Variants in TXLNB observed in about 807,000 individuals in gnomAD.
TXLNB encodes the protein beta-taxilin.
Under a neutral mutation model 57.4 loss-of-function variants are expected in TXLNB, and 37 were observed. The ratio of observed to expected loss-of-function variants is 0.64; its 90% CI spans 0.50 to 0.85. TXLNB has a LOEUF of 0.85. Among genes scored for constraint, TXLNB ranks in the 40% least tolerant of loss-of-function variants. TXLNB has a pLI of 0.00. For synonymous variants in TXLNB, 302 were observed against 309.6 expected, an observed-to-expected ratio of 0.98 and a Z score of 0.26; for missense variants, 848 against 825.6, an observed-to-expected ratio of 1.03 and a Z score of -0.33.
chr6:139,196,462 C>A, the TXLNB span, among the ~76,000 whole-genome samples: 1 of 145,902 alleles, frequency 6.9e-6, no homozygotes, highest in East Asian at 2.1e-4. Context: ...GCAACCTCTG[C>A]GTCCCAGGTT....
At chr6:139,166,490 C>G in the TXLNB span, 1 of 1,614,158 alleles carries the variant, frequency 6.2e-7, no homozygotes. Flanking sequence ...GAAGCAATGC[C>G]GCCAGAACAT....
chr6:139,292,769 A>C (rs748056745), upstream of TXLNB, among the ~76,000 whole-genome samples: 1 of 152,194 alleles, frequency 6.6e-6, no homozygotes, highest in Non-Finnish European at 1.5e-5. The surrounding 1 kb of genome is among the most constrained non-coding windows in gnomAD (Gnocchi z 4.0). Context: ...GATCCTCCTC[A>C]GAAAAAGAAA....
At chr6:139,199,284 C>A in the TXLNB span, among the ~76,000 whole-genome samples, 1 of 152,134 alleles carries the variant, frequency 6.6e-6, no homozygotes, top group Non-Finnish European at 1.5e-5. Flanking sequence ...TAAGTTCTTT[C>A]TCCTAAGCTT....
chr6:139,197,515 A>G, the TXLNB span, among the ~76,000 whole-genome samples: 1 of 152,226 alleles, frequency 6.6e-6, no homozygotes, highest in Non-Finnish European at 1.5e-5. Context: ...TACAGAAATC[A>G]ATCAATCATT....
the TXLNB span, among the ~76,000 whole-genome samples, chr6:139,195,980 A>C: frequency 6.6e-6 from 1 of 152,112 alleles, no homozygotes; most frequent in African/African-American, 2.4e-5. Context: ...ATACTCTTCT[A>C]GGAAATTGCT....
upstream of TXLNB, among the ~76,000 whole-genome samples, chr6:139,294,621 G>A (rs755158693): frequency 2.0e-5 from 3 of 152,114 alleles, no homozygotes; most frequent in Admixed American, 6.5e-5. Context: ...GGCTTTGTAC[G>A]AGGAAGTCAC....
At chr6:139,258,174 C>G (rs1242990996) in intron 6 of TXLNB, among the ~76,000 whole-genome samples, 2 of 152,166 alleles carry the variant, frequency 1.3e-5, no homozygotes, top group African/African-American at 2.4e-5. Flanking sequence ...AGGTAGGTGG[C>G]TAGCTTCGAA....
chr6:139,247,502 C>T (rs1365928660), intron 8 of TXLNB, among the ~76,000 whole-genome samples: 3 of 145,484 alleles, frequency 2.1e-5, no homozygotes, highest in Admixed American at 6.9e-5. Flanking sequence ...AGTATATACA[C>T]CATCATGTTA....
At chr6:139,202,783 G>C in the TXLNB span, among the ~76,000 whole-genome samples, 1 of 152,242 alleles carries the variant, frequency 6.6e-6, no homozygotes, top group South Asian at 2.1e-4. Context: ...CCTTATAGCA[G>C]TATAGAACAC....
At chr6:139,164,953 C>G in the TXLNB span, among the ~76,000 whole-genome samples, 1 of 152,184 alleles carries the variant, frequency 6.6e-6, no homozygotes, top group Non-Finnish European at 1.5e-5. Flanking sequence ...CTCTGGCCAC[C>G]TTATTACACA....
At chr6:139,254,517 A>G (rs2114481108) in intron 7 of TXLNB, among the ~76,000 whole-genome samples, 1 of 152,320 alleles carries the variant, frequency 6.6e-6, no homozygotes, top group Non-Finnish European at 1.5e-5. Flanking sequence ...GGCCTGTGGC[A>G]GGATGGTACT....
the TXLNB span, among the ~76,000 whole-genome samples, chr6:139,181,740 C>G: frequency 6.6e-6 from 1 of 152,148 alleles, no homozygotes; most frequent in African/African-American, 2.4e-5. Context: ...AACAACTGGT[C>G]TGCTTTCCTT....
chr6:139,247,996 A>G (rs1005731260), intron 7 of TXLNB, 87 bp from the exon 8 acceptor site: 6 of 695,898 alleles, frequency 8.6e-6, no homozygotes, highest in South Asian at 2.3e-5. Context: ...TTCTCAATAT[A>G]GTATTAGTAA....
At chr6:139,288,401 G>A in intron 2 of TXLNB, 75 bp downstream of exon 2, 1 of 1,381,158 alleles carries the variant, frequency 7.2e-7, no homozygotes, top group South Asian at 1.3e-5. Flanking sequence ...GTGGCTTTTA[G>A]TGAAGTTTGG....
rs370121520 is a variant in TXLNB, at chr6:139,242,558, C to T, written c.2023G>A (p.Val675Met). 177 of 1,513,362 alleles carry T rather than the reference C, an allele frequency of 1.2e-4. 1 individual carries two copies. In the African/African-American group the frequency reaches 2.3e-3, roughly 19 times the overall value. The allele number at this position is 1,513,362 out of a possible 1,614,324, so 93.7% of individuals were successfully genotyped here. Residue 675 changes from valine (V) to methionine (M), a missense_variant, in exon 10 of 10, where the codon GTG becomes ATG. Physicochemically the swap from Val to Met is conservative, Grantham distance 21. Coordinates refer to ENST00000358430, the MANE Select transcript of TXLNB (RefSeq NM_153235.4). ...GASAGPQPRN[V>M]ADTNLEGVD ...ACGCCTTCCAGATTGGTGTCAGCCA[C>T]GTTGCGCGGCTGGGGCCCAGCTGAG...
intron 4 of TXLNB, among the ~76,000 whole-genome samples, chr6:139,268,133 G>C (rs1269451470): frequency 2.3e-5 from 3 of 132,404 alleles, no homozygotes; most frequent in East Asian, 2.2e-4. Flanking sequence ...CTGGACGACA[G>C]AGCGAGACTC....
chr6:139,226,329 A>T, the TXLNB span, among the ~76,000 whole-genome samples: 2 of 82,970 alleles, frequency 2.4e-5, no homozygotes, highest in African/African-American at 7.0e-5. Flanking sequence ...AAAAAAAAAG[A>T]GATAGAGAGA....
the TXLNB span, among the ~76,000 whole-genome samples, chr6:139,224,478 C>A: frequency 2.6e-5 from 4 of 151,102 alleles, no homozygotes; most frequent in African/African-American, 4.9e-5. Context: ...ATATTTAAAA[C>A]TTCAAAAAAA....
the TXLNB span, among the ~76,000 whole-genome samples, chr6:139,202,695 A>AT: frequency 8.5e-5 from 13 of 152,242 alleles, no homozygotes; most frequent in Non-Finnish European, 1.8e-4. Context: ...AACATTTATC[A>AT]TTTTTTGTGT....
Sources: allele counts gnomAD v4.1 joint callset (sites outside exome capture counted in the v4.1 genomes callset), GRCh38; gene constraint gnomAD v4.1.1; non-coding constraint Gnocchi (gnomAD v3.1); transcripts MANE v1.5; gene names NCBI Gene and HGNC (gene_info 2026-07-23, HGNC 2026-07-21).